Variants in YEATS4 observed in about 807,000 individuals in gnomAD.
YEATS4 encodes YEATS domain containing 4, also known as YEATS domain-containing protein 4.
YEATS4 carries 17 observed loss-of-function variants against 30.1 expected under a neutral mutation model. The observed-to-expected ratio is 0.56, with a 90% confidence interval of 0.39 to 0.85. The LOEUF is 0.85. Ranked by LOEUF, YEATS4 falls within the 40% of genes least tolerant of loss-of-function variation. YEATS4 has a pLI of 0.00. For synonymous variants in YEATS4, 85 were observed against 87.5 expected (o/e 0.97, Z 0.16); for missense variants, 142 against 268.3 (o/e 0.53, Z 3.29).
the YEATS4 span, among the ~76,000 whole-genome samples, chr12:69,408,136 C>A: frequency 6.6e-6 from 1 of 152,092 alleles, no homozygotes; most frequent in Non-Finnish European, 1.5e-5. Context: ...TGGAGAGGAT[C>A]TTGAGTTTTA....
chr12:69,374,269 ATCTTTCCTTTTCTGTGTGT>A (rs1413919599), intron 6 of YEATS4, among the ~76,000 whole-genome samples: 45 of 151,950 alleles, frequency 3.0e-4, no homozygotes, highest in Non-Finnish European at 3.4e-4. Flanking sequence ...AACATGGAAT[ATCTTTCCTTTTCTGTGTGT>A]TCTCTTCCGT....
At chr12:69,381,670 T>C (rs1876086179) in intron 6 of YEATS4, among the ~76,000 whole-genome samples, 1 of 152,240 alleles carries the variant, frequency 6.6e-6, no homozygotes, top group South Asian at 2.1e-4. Flanking sequence ...TATAAAAGTA[T>C]TAATTTGGGG....
chr12:69,373,568 T>C (rs1360663129), intron 6 of YEATS4, among the ~76,000 whole-genome samples: 2 of 152,184 alleles, frequency 1.3e-5, no homozygotes, highest in African/African-American at 4.8e-5. Flanking sequence ...TTTTCTTCCA[T>C]TCTGTGTGTT....
At chr12:69,410,667 C>T in the YEATS4 span, among the ~76,000 whole-genome samples, 3 of 152,054 alleles carry the variant, frequency 2.0e-5, no homozygotes, top group African/African-American at 4.8e-5. Context: ...TTTGAGTCGC[C>T]GGAGGATAGA....
intron 6 of YEATS4, among the ~76,000 whole-genome samples, chr12:69,385,229 G>T (rs1876224611): frequency 6.6e-6 from 1 of 151,362 alleles, no homozygotes. Flanking sequence ...GACTCCTAAA[G>T]TACTGGTATT....
At chr12:69,394,190 C>G (rs1868335067), downstream of YEATS4, among the ~76,000 whole-genome samples, 1 of 152,154 alleles carries the variant, frequency 6.6e-6, no homozygotes, top group African/African-American at 2.4e-5. Flanking sequence ...CAGGAATTTG[C>G]ATTTGCACAA....
chr12:69,359,909 G>C lies in YEATS4; in HGVS notation c.-64G>C, dbSNP rs574567970. The C allele has an allele frequency of 6.2e-7, 1 of 1,601,592 alleles. No individual in the cohort carries two copies. Among genetic ancestry groups the C allele is most frequent in the Non-Finnish European group, 8.5e-7 (1 of 1,171,284 alleles). The stretch of plus-strand genomic sequence containing the variant: ...GCGACAGGAGCGCGGTCTCTGAGGG[G>C]AGCGGCGACCCCGCCAGCCCCGGTC... On this transcript the variant is annotated 5_prime_UTR_variant, in exon 1 of 7. Coordinates refer to ENST00000247843, the MANE Select transcript of YEATS4 (RefSeq NM_006530.4).
intron 6 of YEATS4, among the ~76,000 whole-genome samples, chr12:69,376,451 C>G (rs1875877823): frequency 6.6e-6 from 1 of 152,240 alleles, no homozygotes; most frequent in African/African-American, 2.4e-5. Flanking sequence ...GATCCTTTTT[C>G]AGCATCAATT....
At chr12:69,362,021 T>TTTTTTTG (rs1565673760) in intron 1 of YEATS4, among the ~76,000 whole-genome samples, 7 of 142,814 alleles carry the variant, frequency 4.9e-5, no homozygotes, top group Non-Finnish European at 3.1e-5. Context: ...TTGTTTTTTT[T>TTTTTTTG]TTTTTTTTTT....
At chr12:69,418,679 G>A in the YEATS4 span, among the ~76,000 whole-genome samples, 3 of 152,098 alleles carry the variant, frequency 2.0e-5, no homozygotes, top group African/African-American at 4.8e-5. Context: ...CTGTGTGATA[G>A]CATTAACTCT....
the YEATS4 span, among the ~76,000 whole-genome samples, chr12:69,398,650 T>TA: frequency 1.2e-3 from 178 of 150,804 alleles, no homozygotes; most frequent in African/African-American, 3.7e-3. Flanking sequence ...CTGTCTCTAC[T>TA]AAAAAAATAT....
At chr12:69,375,768 G>T (rs1381667540) in intron 6 of YEATS4, among the ~76,000 whole-genome samples, 2 of 152,156 alleles carry the variant, frequency 1.3e-5, no homozygotes, top group East Asian at 3.9e-4. Flanking sequence ...GAGGCGTGGT[G>T]GTGCGCGCCT....
chr12:69,403,116 G>A, the YEATS4 span, among the ~76,000 whole-genome samples: 6 of 152,192 alleles, frequency 3.9e-5, no homozygotes, highest in African/African-American at 1.4e-4. Flanking sequence ...CGCAAGGACT[G>A]TAGCTAGCTG....
At chr12:69,393,367 C>G (rs1431717467), downstream of YEATS4, among the ~76,000 whole-genome samples, 1 of 152,096 alleles carries the variant, frequency 6.6e-6, no homozygotes, top group Non-Finnish European at 1.5e-5. Context: ...GCTCAGGAGG[C>G]TGAGGCAGGA....
At chr12:69,425,215 G>C in the YEATS4 span, among the ~76,000 whole-genome samples, 1 of 152,156 alleles carries the variant, frequency 6.6e-6, no homozygotes, top group African/African-American at 2.4e-5. Flanking sequence ...GAGCCAGCGC[G>C]CCCAGCCGGG....
At chr12:69,382,540 T>C (rs1222787101) in intron 6 of YEATS4, among the ~76,000 whole-genome samples, 1 of 152,200 alleles carries the variant, frequency 6.6e-6, no homozygotes, top group Admixed American at 6.5e-5. Flanking sequence ...GCCCAAGGGC[T>C]CTTCAGTCAG....
downstream of YEATS4, among the ~76,000 whole-genome samples, chr12:69,393,574 G>GAA (rs11345743): frequency 7.1e-6 from 1 of 141,182 alleles, no homozygotes; most frequent in African/African-American, 2.7e-5. Context: ...ATAAAGAAAA[G>GAA]AAAAAAAAAA....
At chr12:69,383,899 A>G (rs1876173644) in intron 6 of YEATS4, among the ~76,000 whole-genome samples, 1 of 152,222 alleles carries the variant, frequency 6.6e-6, no homozygotes, top group Non-Finnish European at 1.5e-5. Context: ...TCAGGGGGAA[A>G]TAAACTAGTA....
the YEATS4 span, among the ~76,000 whole-genome samples, chr12:69,415,886 C>T: frequency 3.3e-5 from 5 of 152,220 alleles, no homozygotes; most frequent in Non-Finnish European, 7.3e-5. Context: ...CTTTAAGATG[C>T]CATGAGCATT....
Sources: gnomAD v4.1 joint callset for allele counts (sites outside exome capture counted in the v4.1 genomes callset) on GRCh38, gnomAD v4.1.1 for gene constraint, MANE v1.5 for transcripts, NCBI Gene and HGNC (gene_info 2026-07-23, HGNC 2026-07-21) for gene names.